The following KCNQ1 variants were observed in gnomAD, a reference collection of about 807,000 sequenced individuals.
The protein encoded by KCNQ1 is potassium voltage-gated channel subfamily KQT member 1.
A neutral mutation model predicts 72.4 loss-of-function variants in KCNQ1; 49 were observed. The observed-to-expected ratio is 0.68, with a 90% CI of 0.54 to 0.86. KCNQ1 has a LOEUF of 0.86. KCNQ1 is among the 40% of genes least tolerant of loss of function. The pLI is 0.00. For missense variants in KCNQ1, 790 were observed against 945.1 expected (o/e 0.84, Z 2.15); for synonymous variants, 450 against 412.6 (o/e 1.09, Z -1.10).
At chr11:2,821,344 G>A (rs1166827780) in intron 15 of KCNQ1, among the ~76,000 whole-genome samples, 1 of 152,222 alleles carries the variant, frequency 6.6e-6, no homozygotes. Context: ...TGGGGAATAT[G>A]GTGAGAATGG....
chr11:2,822,944 T>C (rs774431030), intron 15 of KCNQ1, among the ~76,000 whole-genome samples: 5 of 137,860 alleles, frequency 3.6e-5, no homozygotes, highest in Non-Finnish European at 7.9e-5. Flanking sequence ...AAAAAATCAG[T>C]AAAAGATGGA....
intron 11 of KCNQ1, chr11:2,675,922 C>T: frequency 2.5e-6 from 1 of 398,164 alleles, no homozygotes; most frequent in East Asian, 3.6e-5. Flanking sequence ...AATCATACAA[C>T]AGTCTTTACA....
chr11:2,799,101 C>A (rs906086252), intron 15 of KCNQ1, among the ~76,000 whole-genome samples: 1 of 152,204 alleles, frequency 6.6e-6, no homozygotes, highest in Non-Finnish European at 1.5e-5. Context: ...AAGAGGACAC[C>A]AGCTGGCGAG....
intron 11 of KCNQ1, among the ~76,000 whole-genome samples, chr11:2,736,856 C>CG (rs984012310): frequency 6.6e-6 from 1 of 152,202 alleles, no homozygotes; most frequent in Admixed American, 6.5e-5. Flanking sequence ...AAGATGCCCA[C>CG]GGCTCAGGGA....
chr11:2,791,137 C>T (rs1847013590), intron 15 of KCNQ1, among the ~76,000 whole-genome samples: 2 of 152,258 alleles, frequency 1.3e-5, no homozygotes, highest in African/African-American at 4.8e-5. Context: ...TGTGTGTCAA[C>T]TTCTGTGAGT....
In KCNQ1 at chr11:2,785,581, T is replaced by C. The variant is rs1392604344; in HGVS notation, c.1794+7544T>C. On this transcript the variant is annotated intron_variant, in intron 15 of 15. Coordinates refer to ENST00000155840, the MANE Select transcript of KCNQ1 (RefSeq NM_000218.3). The surrounding 1 kb of genome is among the most constrained non-coding windows in gnomAD (Gnocchi z 4.4). Reference sequence around the variant, plus strand: ...AGGTTTGTCTTTTGTAAACACTGTATTACTGAGTTTTTAAAAAATCATTTA... The same window carrying C: ...AGGTTTGTCTTTTGTAAACACTGTACTACTGAGTTTTTAAAAAATCATTTA... Among the ~76,000 whole-genome samples, 1 of 151,898 alleles carries C rather than the reference T, an allele frequency of 6.6e-6. No homozygotes were observed. Among genetic ancestry groups the C allele is most frequent in the Non-Finnish European group, 1.5e-5 (1 of 67,812 alleles).
At chr11:2,570,083 G>GAGGGCACCCGGGGTTCCTGGCGT in intron 2 of KCNQ1, among the ~76,000 whole-genome samples, 1 of 151,590 alleles carries the variant, frequency 6.6e-6, no homozygotes, top group East Asian at 1.9e-4. Flanking sequence ...GCTTATCACG[G>GAGGGCACCCGGGGTTCCTGGCGT]AGGGCACCCG....
chr11:2,779,409 C>G (rs1356934406), intron 15 of KCNQ1, among the ~76,000 whole-genome samples: 3 of 152,046 alleles, frequency 2.0e-5, no homozygotes, highest in East Asian at 3.9e-4. Context: ...CAAGGAAAGC[C>G]GTGGTAGAGA....
At chr11:2,798,621 G>C (rs180914973) in intron 15 of KCNQ1, among the ~76,000 whole-genome samples, 1 of 151,070 alleles carries the variant, frequency 6.6e-6, no homozygotes, top group Admixed American at 6.6e-5. Context: ...TCTTGATTTC[G>C]TGTAAACAAC....
intron 1 of KCNQ1, 111 bp from the exon 2 acceptor site, chr11:2,527,817 G>A: frequency 1.1e-6 from 1 of 894,702 alleles, no homozygotes; most frequent in African/African-American, 1.6e-5. Flanking sequence ...TCGAAGCACT[G>A]TCTGTTCCTA....
intron 11 of KCNQ1, among the ~76,000 whole-genome samples, chr11:2,700,208 G>A (rs991534209): frequency 6.6e-6 from 1 of 151,770 alleles, no homozygotes; most frequent in African/African-American, 2.4e-5. Context: ...CGGGTCCAGC[G>A]CCGCATGAGG....
chr11:2,547,675 A>C lies in KCNQ1; in HGVS notation c.477+19657A>C, dbSNP rs139258318. Among the ~76,000 whole-genome samples the C allele has an allele frequency of 1.6e-3, 251 of 152,342 alleles. No individual in the cohort carries two copies. The highest frequency in any genetic ancestry group is 5.8e-3 in the African/African-American group (241 of 41,576). On this transcript the variant is annotated intron_variant, in intron 2 of 15. Transcript: ENST00000155840. This position sits in a 1 kb window ranked among gnomAD's most constrained non-coding sequence, Gnocchi z 4.2. ...CTTCTACTTAGTGCCTATACCACAA[A>C]CAATAAGCTGACTCCATTTCCATCT...
At position 2,598,616 on chromosome 11, in the gene KCNQ1, A is replaced by AAAAAAC. The variant is rs1306723795; in HGVS notation, c.1393+9763_1393+9768dup. Among the ~76,000 whole-genome samples, 2 of 152,130 alleles carry AAAAAAC rather than the reference A, an allele frequency of 1.3e-5. No individual in the cohort carries two copies. Among genetic ancestry groups the AAAAAAC allele is most frequent in the Admixed American group, 1.3e-4 (2 of 15,274 alleles). On this transcript the variant is annotated intron_variant, in intron 10 of 15. Coordinates refer to ENST00000155840, the MANE Select transcript of KCNQ1 (RefSeq NM_000218.3). The surrounding 1 kb of genome is among the most constrained non-coding windows in gnomAD (Gnocchi z 6.2). Reference sequence around the variant, plus strand: ...GTCTGCTCTGCCCTTAGTTAAAAAAAAAAAACCCTAATACATCTGCCAAAT... The same window carrying AAAAAAC: ...GTCTGCTCTGCCCTTAGTTAAAAAAAAAAAACAAAAACCCTAATACATCTGCCAAAT...
In KCNQ1 at chr11:2,538,977, C is replaced by T. The variant is rs1847779744; in HGVS notation, c.477+10959C>T. Among the ~76,000 whole-genome samples, 1 of 152,188 alleles carries T rather than the reference C, an allele frequency of 6.6e-6. No individual in the cohort carries two copies. The highest frequency in any genetic ancestry group is 1.5e-5 in the Non-Finnish European group (1 of 68,038). ...TGGGAACCACCAGTCAGCGTCTTTC[C>T]TCCAGGGAGGCTGTGCAGAGGGAAG... On this transcript the variant is annotated intron_variant, in intron 2 of 15. Coordinates refer to ENST00000155840, the MANE Select transcript of KCNQ1 (RefSeq NM_000218.3). This position sits in a 1 kb window ranked among gnomAD's most constrained non-coding sequence, Gnocchi z 6.7.
rs967535987 is a variant in KCNQ1, at chr11:2,735,728, C to T, written c.1515-33116C>T. ...AGTCCAAGGTCAAGGTGCTGCAGGG[C>T]TGGGTCCTCCTGCAGCCTCTCTCCG... On this transcript the variant is annotated intron_variant, in intron 11 of 15. Coordinates refer to ENST00000155840, the MANE Select transcript of KCNQ1 (RefSeq NM_000218.3). This position sits in a 1 kb window ranked among gnomAD's most constrained non-coding sequence, Gnocchi z 7.7. Among the ~76,000 whole-genome samples, 7 of 152,084 alleles carry T rather than the reference C, an allele frequency of 4.6e-5. No homozygotes were observed. Among genetic ancestry groups the T allele is most frequent in the Non-Finnish European group, 7.4e-5 (5 of 68,018 alleles).
rs190866810 is a variant in KCNQ1 at position 2,678,342 on chromosome 11, G to T, written c.1514+16261G>T. ...TTTCATTTTTTACATTTAAATCCTTGCTTTATCGGGATTTTGACAGAGTAA... is the reference window on the plus strand; with the variant it reads ...TTTCATTTTTTACATTTAAATCCTTTCTTTATCGGGATTTTGACAGAGTAA... On this transcript the variant is annotated intron_variant, in intron 11 of 15. Transcript: ENST00000155840. The surrounding 1 kb of genome is among the most constrained non-coding windows in gnomAD (Gnocchi z 4.9). 3 of 398,194 alleles carry T rather than the reference G, an allele frequency of 7.5e-6. No homozygotes were observed. The highest frequency in any genetic ancestry group is 1.3e-5 in the Non-Finnish European group (3 of 225,960). The allele number at this position is 398,194 out of a possible 1,614,324, so 24.7% of individuals were successfully genotyped here. A position where few individuals can be genotyped will look rare whatever the true frequency, so the allele number is the denominator to read the frequency against.
Position 2,538,754 on chromosome 11 carries a change from C to T in KCNQ1, c.477+10736C>T, listed in dbSNP as rs1847776039. Among the ~76,000 whole-genome samples the T allele has an allele frequency of 1.5e-5, 2 of 137,042 alleles. No individual in the cohort carries two copies. Among genetic ancestry groups the T allele is most frequent in the Admixed American group, 8.0e-5 (1 of 12,468 alleles). The allele number at this position is 137,042 out of a possible 152,430, so 89.9% of individuals were successfully genotyped here. Reference sequence around the variant, plus strand: ...CTGTGCAGCCCACACACGGGCCTCACGTTATCTTCTGCAGGCCAGAATTGT... The same window carrying T: ...CTGTGCAGCCCACACACGGGCCTCATGTTATCTTCTGCAGGCCAGAATTGT... On this transcript the variant is annotated intron_variant, in intron 2 of 15. Coordinates refer to ENST00000155840, the MANE Select transcript of KCNQ1 (RefSeq NM_000218.3). This position sits in a 1 kb window ranked among gnomAD's most constrained non-coding sequence, Gnocchi z 6.7.
In KCNQ1 at chr11:2,592,468, G is replaced by T. The variant is rs1195861742; in HGVS notation, c.1393+3614G>T. Reference sequence around the variant, plus strand: ...GAGGCACCAGCCCTCATCCCACGCAGCAGGGCCCGCTGCTGCTCCCTCAAC... The same window carrying T: ...GAGGCACCAGCCCTCATCCCACGCATCAGGGCCCGCTGCTGCTCCCTCAAC... On this transcript the variant is annotated intron_variant, in intron 10 of 15. Transcript: ENST00000155840. This position sits in a 1 kb window ranked among gnomAD's most constrained non-coding sequence, Gnocchi z 5.2. Among the ~76,000 whole-genome samples, 1 of 152,162 alleles carries T rather than the reference G, an allele frequency of 6.6e-6. No homozygotes were observed. The highest frequency in any genetic ancestry group is 1.5e-5 in the Non-Finnish European group (1 of 68,014).
In KCNQ1 at chr11:2,682,117, CAGG is replaced by C. The variant is rs369144101; in HGVS notation, c.1514+20039_1514+20041del. On this transcript the variant is annotated intron_variant, in intron 11 of 15. Transcript: ENST00000155840. This position sits in a 1 kb window ranked among gnomAD's most constrained non-coding sequence, Gnocchi z 5.8. ...ACAAAGCTAGGGAGCCGTGGATCTG[CAGG>C]AGATGTCCCAGCTCATCAAATATTC... The C allele has an allele frequency of 1.5e-5, 6 of 398,492 alleles. No homozygotes were observed. Among genetic ancestry groups the C allele is most frequent in the South Asian group, 1.3e-4 (1 of 7,862 alleles). The allele number at this position is 398,492 out of a possible 1,614,324, so 24.7% of individuals were successfully genotyped here.
Sources: allele counts gnomAD v4.1 joint callset (sites outside exome capture counted in the v4.1 genomes callset), GRCh38; gene constraint gnomAD v4.1.1; non-coding constraint Gnocchi (gnomAD v3.1); transcripts MANE v1.5; gene names NCBI Gene and HGNC (gene_info 2026-07-23, HGNC 2026-07-21).